Variants in RPAP1 observed in about 807,000 individuals in gnomAD.
The protein encoded by RPAP1 is RNA polymerase II-associated protein 1.
RPAP1 carries 109 observed loss-of-function variants against 142.4 expected under a neutral mutation model. The ratio of observed to expected loss-of-function variants is 0.77; its 90% CI spans 0.66 to 0.90. The LOEUF (loss-of-function observed/expected upper bound fraction) is 0.90. Among genes scored for constraint, RPAP1 ranks in the 40% least tolerant of loss-of-function variants. The pLI, the probability that RPAP1 is intolerant of heterozygous loss-of-function variation, is 0.00. For synonymous variants in RPAP1, 704 were observed against 738.9 expected (o/e 0.95, Z 0.77); for missense variants, 1,546 against 1,751.7 (o/e 0.88, Z 2.10).
In RPAP1 at chr15:41,520,864, G is replaced by GA; in HGVS notation, c.3321dup (p.Arg1108SerfsTer61). On this transcript the variant is annotated frameshift_variant, in exon 22 of 25. Transcript: ENST00000304330. LOFTEE classifies it high-confidence loss of function. ...GTGTCTGAAGCCCGGTGGTAGAGGC[G>GA]AATCAGTGGCAGGAAGGGCCAGTCG... 1 of 1,613,874 alleles carries GA rather than the reference G, an allele frequency of 6.2e-7. No homozygotes were observed. The highest frequency in any genetic ancestry group is 8.5e-7 in the Non-Finnish European group (1 of 1,180,030).
In RPAP1 at chr15:41,521,886, G is replaced by C; in HGVS notation, c.2896-6C>G. On this transcript the variant is annotated splice_region_variant and splice_polypyrimidine_tract_variant and intron_variant, in intron 20 of 24. Transcript: ENST00000304330. ...GGCAGTGGCTGCAGCGCTGCCTGCA[G>C]ACAGAAAAGCAGGGAACTACCTAGT... The C allele has an allele frequency of 6.2e-7, 1 of 1,613,438 alleles. No homozygotes were observed. The highest frequency in any genetic ancestry group is 8.5e-7 in the Non-Finnish European group (1 of 1,179,744).
At chr15:41,530,069 A>C in intron 7 of RPAP1, 90 bp from the exon 8 acceptor site, 1 of 927,004 alleles carries the variant, frequency 1.1e-6, no homozygotes, top group Non-Finnish European at 1.7e-6. Flanking sequence ...TGCCACATCC[A>C]CTTCTGTTCC....
In RPAP1 at chr15:41,537,074, G is replaced by A; in HGVS notation, c.52C>T (p.Gln18Ter). The change falls in exon 2 of 25, where the codon CAG becomes TAG. Residue 18 changes from glutamine (Q) to a stop codon, truncating the protein, a stop_gained. Transcript: ENST00000304330. LOFTEE classifies it high-confidence loss of function. ...GCACCAGCTGCGAGAAACTGACTCT[G>A]GAAGTGCAGCAGGTCCACCTCGGAC... Reference protein sequence around the residue: ...GESEVDLLHFQSQFLAAGAAP... With the variant: ...GESEVDLLHF 2 of 1,614,158 alleles carry A rather than the reference G, an allele frequency of 1.2e-6. No homozygotes were observed. The highest frequency in any genetic ancestry group is 1.7e-6 in the Non-Finnish European group (2 of 1,180,034).
intron 1 of RPAP1, among the ~76,000 whole-genome samples, chr15:41,543,488 C>A (rs2051991027): frequency 6.6e-6 from 1 of 152,140 alleles, no homozygotes; most frequent in African/African-American, 2.4e-5. Flanking sequence ...GCTGGGATTA[C>A]AGGCGTGAGC....
intron 1 of RPAP1, among the ~76,000 whole-genome samples, chr15:41,538,240 CA>C (rs1335491703): frequency 1.3e-5 from 2 of 151,900 alleles, no homozygotes; most frequent in Non-Finnish European, 2.9e-5. Flanking sequence ...GAGACTCTGT[CA>C]AAAAAACAAA....
intron 1 of RPAP1, among the ~76,000 whole-genome samples, chr15:41,541,673 C>T (rs1197473379): frequency 6.6e-6 from 1 of 152,154 alleles, no homozygotes; most frequent in East Asian, 1.9e-4. Context: ...CGGTGAAATG[C>T]CGTCTCTACT....
chr15:41,543,738 T>C (rs1442816957), intron 1 of RPAP1, among the ~76,000 whole-genome samples: 1 of 152,166 alleles, frequency 6.6e-6, no homozygotes, highest in African/African-American at 2.4e-5. Context: ...CAATCAGTGC[T>C]AGAAGTGATA....
In RPAP1 at chr15:41,537,096, G is replaced by A. The variant is rs202197343; in HGVS notation, c.30C>T (p.Ser10=). Residue 10 remains serine (S), a synonymous_variant, in exon 2 of 25, where the codon TCC becomes TCT. Transcript: ENST00000304330. ...TCTGGAAGTGCAGCAGGTCCACCTC[G>A]GACTCCCCTGGCTTCGGTCTCGACA... MLSRPKPGE[S]EVDLLHFQSQ... is the part of the protein sequence containing the mutation. 20 of 1,614,040 alleles carry A rather than the reference G, an allele frequency of 1.2e-5. No homozygotes were observed. In the East Asian group the frequency reaches 2.2e-4, roughly 18 times the overall value.
In RPAP1 at chr15:41,529,531, A is replaced by T; in HGVS notation, c.1097T>A (p.Leu366Gln). 3 of 1,613,626 alleles carry T rather than the reference A, an allele frequency of 1.9e-6. No individual in the cohort carries two copies. Among genetic ancestry groups the T allele is most frequent in the Non-Finnish European group, 2.5e-6 (3 of 1,179,772 alleles). The change falls in exon 9 of 25, where the codon CTG becomes CAG. Residue 366 changes from leucine (L) to glutamine (Q), a missense_variant. By Grantham distance (113) the Leu-to-Gln change is moderately radical. This residue lies in a region of RPAP1 where 1,333 missense variants were observed against 1,486.6 expected (regional missense o/e 0.90). Coordinates refer to ENST00000304330, the MANE Select transcript of RPAP1 (RefSeq NM_015540.4). ...QARFSLQGEL[L>Q]APDVDLPTHL... is the part of the protein sequence containing the mutation. The stretch of plus-strand genomic sequence containing the variant: ...GGTGGGCAGGTCCACGTCAGGGGCC[A>T]GTAGTTCTCCCTGAAGACTGAATCG...
intron 7 of RPAP1, among the ~76,000 whole-genome samples, chr15:41,530,695 G>T (rs151208162): frequency 6.6e-6 from 1 of 152,266 alleles, no homozygotes; most frequent in Non-Finnish European, 1.5e-5. Flanking sequence ...AGAACAGTGG[G>T]ATGGACAGAG....
In RPAP1 at chr15:41,537,161, T is replaced by C. The variant is rs768526366; in HGVS notation, c.-36A>G. ...CAGCTGCCTCCCCAGTACGACTCTC[T>C]CCAGCAGTGTCTCCGTGTGGGGGTT... On this transcript the variant is annotated 5_prime_UTR_variant, in exon 2 of 25. Coordinates refer to ENST00000304330, the MANE Select transcript of RPAP1 (RefSeq NM_015540.4). The C allele has an allele frequency of 1.4e-5, 23 of 1,594,234 alleles. No individual in the cohort carries two copies. Among genetic ancestry groups the C allele is most frequent in the Non-Finnish European group, 1.9e-5 (22 of 1,169,048 alleles).
chr15:41,521,628 G>A (rs925965150), intron 21 of RPAP1, 110 bp downstream of exon 21: 34 of 1,237,564 alleles, frequency 2.7e-5, no homozygotes, highest in Non-Finnish European at 2.8e-5. Context: ...AAGTGTCGTC[G>A]GTGGAAGAAA....
rs754438919 is a variant in RPAP1 at position 41,524,006 on chromosome 15, T to A, written c.2235-34A>T. The A allele has an allele frequency of 1.4e-4, 225 of 1,612,242 alleles. No individual in the cohort carries two copies. The Admixed American group carries it at 3.7e-3, about 26-fold the overall frequency. On this transcript the variant is annotated intron_variant, in intron 16 of 24. Transcript: ENST00000304330. ...GTGCCAAAGGGTGCCACAGTGAGGA[T>A]CTGGCTGCCTCACGCCCCTTTACAC...
At chr15:41,519,434 C>G (rs1595479427) in intron 22 of RPAP1, among the ~76,000 whole-genome samples, 1 of 152,004 alleles carries the variant, frequency 6.6e-6, no homozygotes, top group East Asian at 1.9e-4. Context: ...TGGTCTCAAA[C>G]TCTTGACCTC....
At position 41,523,278 on chromosome 15, in the gene RPAP1, T is replaced by C; in HGVS notation, c.2513A>G (p.Gln838Arg). The change falls in exon 18 of 25, where the codon CAG becomes CGG. Residue 838 changes from glutamine (Q) to arginine (R), a missense_variant. By Grantham distance (43) the Gln-to-Arg change is conservative. Transcript: ENST00000304330. ...SEELLLPLLSQPTLGSLWDSL... is the reference protein window; with the variant it reads ...SEELLLPLLSRPTLGSLWDSL... ...ATCCCACAGGCTGCCCAGTGTGGGC[T>C]GACTCAGCAGTGGCAGCAGCAGCTC... The C allele has an allele frequency of 1.2e-6, 2 of 1,611,858 alleles. No homozygotes were observed. Among genetic ancestry groups the C allele is most frequent in the African/African-American group, 1.3e-5 (1 of 74,970 alleles).
At chr15:41,519,691 C>T (rs1348194549) in intron 22 of RPAP1, 2 of 152,288 alleles carry the variant, frequency 1.3e-5, no homozygotes, top group African/African-American at 4.8e-5. Context: ...TGCCTTTCTA[C>T]CTCCTCACCA....
intron 7 of RPAP1, 85 bp from the exon 8 acceptor site, chr15:41,530,064 C>T: frequency 1.0e-6 from 1 of 959,778 alleles, no homozygotes; most frequent in Non-Finnish European, 1.6e-6. Flanking sequence ...GCAGCTGCCA[C>T]ATCCACTTCT....
intron 1 of RPAP1, among the ~76,000 whole-genome samples, chr15:41,542,576 T>G (rs755091148): frequency 6.6e-6 from 1 of 152,220 alleles, no homozygotes; most frequent in Non-Finnish European, 1.5e-5. Context: ...TATACAGATG[T>G]GCCTTTTCCT....
chr15:41,527,882 AG>A lies in RPAP1; in HGVS notation c.1405del (p.Leu469CysfsTer22), dbSNP rs752534364. 6 of 1,614,028 alleles carry A rather than the reference AG, an allele frequency of 3.7e-6. No individual in the cohort carries two copies. In the Admixed American group the frequency reaches 6.7e-5, roughly 18 times the overall value. Reference sequence around the variant, plus strand: ...TACCTCATCTCCAGGAGCCACCAGCAGAGCCCGAAGAGCACGGATGGCGGTT... The same window carrying A: ...TACCTCATCTCCAGGAGCCACCAGCAAGCCCGAAGAGCACGGATGGCGGTT... ...IATAIRALRA[L>X]LVAPGDEELL... On this transcript the variant is annotated frameshift_variant, in exon 11 of 25. Coordinates refer to ENST00000304330, the MANE Select transcript of RPAP1 (RefSeq NM_015540.4). LOFTEE classifies it high-confidence loss of function.
Sources: allele counts gnomAD v4.1 joint callset (sites outside exome capture counted in the v4.1 genomes callset), GRCh38; gene constraint gnomAD v4.1.1; regional missense constraint gnomAD v4.1.1; transcripts MANE v1.5; gene names NCBI Gene and HGNC (gene_info 2026-07-23, HGNC 2026-07-21).